The following FOXK2 variants were observed in gnomAD, a reference collection of about 807,000 sequenced individuals.
The protein encoded by FOXK2 is forkhead box protein K2.
Under a neutral mutation model 53.3 loss-of-function variants are expected in FOXK2, and 24 were observed. The observed-to-expected ratio is 0.45, with a 90% CI of 0.33 to 0.63. The LOEUF (loss-of-function observed/expected upper bound fraction) is 0.63. Ranked by LOEUF, FOXK2 falls within the 30% of genes least tolerant of loss-of-function variation. The pLI, the probability that FOXK2 is intolerant of heterozygous loss-of-function variation, is 0.03. For synonymous variants in FOXK2, 505 were observed against 407.1 expected (o/e 1.24, Z -2.89); for missense variants, 952 against 910.5 (o/e 1.05, Z -0.59).
At chr17:82,538,865 TG>T (rs1365949387) in intron 1 of FOXK2, among the ~76,000 whole-genome samples, 1 of 152,186 alleles carries the variant, frequency 6.6e-6, no homozygotes, top group Non-Finnish European at 1.5e-5. Flanking sequence ...CAGCCCAGCA[TG>T]GGTTGCCCCA....
Position 82,601,514 on chromosome 17 carries a change from T to C in FOXK2, c.*15T>C, listed in dbSNP as rs2045384646. On this transcript the variant is annotated 3_prime_UTR_variant, in exon 9 of 9. Transcript: ENST00000335255. ...TCCAGAACTAGCGACCGGGAGAGCT[T>C]TTCTTTAACGATATCAACTCTGTGG... 1 of 1,589,736 alleles carries C rather than the reference T, an allele frequency of 6.3e-7. No individual in the cohort carries two copies. Among genetic ancestry groups the C allele is most frequent in the Admixed American group, 1.7e-5 (1 of 58,876 alleles).
At chr17:82,563,805 G>A (rs1201295196) in intron 2 of FOXK2, among the ~76,000 whole-genome samples, 1 of 144,444 alleles carries the variant, frequency 6.9e-6, no homozygotes, top group African/African-American at 2.6e-5. Flanking sequence ...AGGCTGGAGT[G>A]CAGTGGTGCT....
intron 8 of FOXK2, 188 bp downstream of exon 8, chr17:82,587,460 C>T (rs937044903): frequency 4.3e-5 from 26 of 609,592 alleles, no homozygotes; most frequent in Middle Eastern, 4.4e-4. Flanking sequence ...ATGGGATTCC[C>T]GTGGGAGGAC....
chr17:82,559,516 C>G (rs945844949), intron 1 of FOXK2: 1 of 456,068 alleles, frequency 2.2e-6, no homozygotes, highest in African/African-American at 2.0e-5. Context: ...AACACGTCCC[C>G]ACGTGGGACG....
chr17:82,528,227 T>A (rs1338441842), intron 1 of FOXK2, among the ~76,000 whole-genome samples: 2 of 152,156 alleles, frequency 1.3e-5, no homozygotes, highest in East Asian at 3.8e-4. Context: ...CTGTGCATGA[T>A]TGGTGGAAAT....
chr17:82,596,530 T>G (rs2045314713), intron 8 of FOXK2, among the ~76,000 whole-genome samples: 2 of 152,282 alleles, frequency 1.3e-5, no homozygotes, highest in South Asian at 2.1e-4. Context: ...TGGGGACTGT[T>G]TCCAGACGCA....
intron 7 of FOXK2, among the ~76,000 whole-genome samples, chr17:82,586,424 A>G (rs878937383): frequency 5.6e-4 from 44 of 79,072 alleles, no homozygotes; most frequent in Non-Finnish European, 8.4e-4. Flanking sequence ...AGGAGAGGGG[A>G]GACCACAGGG....
At chr17:82,554,456 T>G (rs564638056) in intron 1 of FOXK2, among the ~76,000 whole-genome samples, 1 of 152,160 alleles carries the variant, frequency 6.6e-6, no homozygotes, top group Non-Finnish European at 1.5e-5. Flanking sequence ...AACAGGAGAA[T>G]GAGAGAGCCA....
intron 1 of FOXK2, among the ~76,000 whole-genome samples, chr17:82,525,609 T>G (rs2044409778): frequency 6.6e-6 from 1 of 152,314 alleles, no homozygotes; most frequent in South Asian, 2.1e-4. Context: ...GGTAACAAAC[T>G]AAGTATAATT....
chr17:82,577,497 C>T, intron 4 of FOXK2: 4 of 295,488 alleles, frequency 1.4e-5, no homozygotes, highest in South Asian at 1.2e-4. Flanking sequence ...GCGGCGTGCT[C>T]ACTGCCCAGT....
intron 1 of FOXK2, among the ~76,000 whole-genome samples, chr17:82,527,657 G>A (rs1311376192): frequency 6.6e-6 from 1 of 152,152 alleles, no homozygotes; most frequent in Non-Finnish European, 1.5e-5. Flanking sequence ...TTGGCAAATT[G>A]AGATACATTG....
intron 4 of FOXK2, among the ~76,000 whole-genome samples, 196 bp from the exon 5 acceptor site, chr17:82,582,545 A>G (rs961798973): frequency 2.0e-5 from 3 of 152,116 alleles, no homozygotes; most frequent in Non-Finnish European, 2.9e-5. Flanking sequence ...ACGCTTCCCC[A>G]TAGGATGGGC....
rs538121330 is a variant in FOXK2, at chr17:82,576,047, G to A, written c.909+4177G>A. Among the ~76,000 whole-genome samples, 109 of 119,088 alleles carry A rather than the reference G, an allele frequency of 9.2e-4. 1 individual carries two copies. The highest frequency in any genetic ancestry group is 3.3e-3 in the African/African-American group (100 of 30,464). 78.1% of individuals were successfully genotyped at this position (119,088 alleles called of 152,430 possible). A position where few individuals can be genotyped will look rare whatever the true frequency, so the allele number is the denominator to read the frequency against. ...CGGCGGCGGGTTCGTCCACACCAGC[G>A]TGTGCTCGGGTGGCGGCGGCGGGTT... On this transcript the variant is annotated intron_variant, in intron 4 of 8. Transcript: ENST00000335255.
intron 2 of FOXK2, among the ~76,000 whole-genome samples, chr17:82,566,243 C>CA (rs144483444): frequency 0.047 from 6,720 of 143,154 alleles, 208 homozygotes; most frequent in South Asian, 0.1. Context: ...TATTTTACCA[C>CA]AAAAAAAAAA....
chr17:82,531,299 C>T (rs1344361952), intron 1 of FOXK2, among the ~76,000 whole-genome samples: 12 of 152,158 alleles, frequency 7.9e-5, no homozygotes, highest in African/African-American at 2.7e-4. Context: ...ACTACTGTAC[C>T]ATAGGAAACC....
At chr17:82,560,338 C>G (rs2044779809) in intron 1 of FOXK2, among the ~76,000 whole-genome samples, 1 of 152,130 alleles carries the variant, frequency 6.6e-6, no homozygotes, top group Admixed American at 6.5e-5. Flanking sequence ...GAAGCGGTCT[C>G]ACTGTGTGGC....
At chr17:82,523,180 G>A (rs1404429072) in intron 1 of FOXK2, among the ~76,000 whole-genome samples, 1 of 152,228 alleles carries the variant, frequency 6.6e-6, no homozygotes, top group Admixed American at 6.5e-5. Context: ...CCTCCCACTT[G>A]TGCTCAGGGA....
Position 82,601,576 on chromosome 17 carries a change from G to A in FOXK2, c.*77G>A, listed in dbSNP as rs1374398002. 7.0e-7 allele frequency: 1 copy of A among 1,433,368 alleles called. No homozygotes were observed. Among genetic ancestry groups the A allele is most frequent in the East Asian group, 2.4e-5 (1 of 41,080 alleles). 88.8% of individuals were successfully genotyped at this position (1,433,368 alleles called of 1,614,324 possible). Reference sequence around the variant, plus strand: ...GACGCGGCCTCCCGCCAGCACTCGGGGGTGCAGGGCCCTGTGGTTGGACTT... The same window carrying A: ...GACGCGGCCTCCCGCCAGCACTCGGAGGTGCAGGGCCCTGTGGTTGGACTT... On this transcript the variant is annotated 3_prime_UTR_variant, in exon 9 of 9. Coordinates refer to ENST00000335255, the MANE Select transcript of FOXK2 (RefSeq NM_004514.4).
intron 1 of FOXK2, among the ~76,000 whole-genome samples, chr17:82,540,333 T>TG (rs2044562493): frequency 2.6e-5 from 4 of 152,284 alleles, no homozygotes; most frequent in Admixed American, 6.5e-5. Context: ...TTGAATGATT[T>TG]GGAGAATTGG....
Sources: gnomAD v4.1 joint callset for allele counts (sites outside exome capture counted in the v4.1 genomes callset) on GRCh38, gnomAD v4.1.1 for gene constraint, MANE v1.5 for transcripts, NCBI Gene and HGNC (gene_info 2026-07-23, HGNC 2026-07-21) for gene names.